Variants in CLPB observed in about 807,000 individuals in gnomAD.
CLPB encodes the protein ClpB family mitochondrial disaggregase, also known as mitochondrial disaggregase.
In CLPB, 40 loss-of-function variants were observed where a neutral mutation model predicts 78.4. That is an observed-to-expected ratio of 0.51 (90% CI 0.40 to 0.66). The LOEUF (loss-of-function observed/expected upper bound fraction) is 0.66. Ranked by LOEUF, CLPB falls within the 30% of genes least tolerant of loss-of-function variation. The probability of loss-of-function intolerance (pLI) is 0.00; values close to 1 mark genes in which losing one functional copy is unlikely to be tolerated. For missense variants in CLPB, 780 were observed against 886.9 expected (o/e 0.88, Z 1.53); for synonymous variants, 333 against 348.0 (o/e 0.96, Z 0.48).
chr11:72,405,528 G>C (rs1165513774), intron 2 of CLPB, among the ~76,000 whole-genome samples: 1 of 152,178 alleles, frequency 6.6e-6, no homozygotes, highest in African/African-American at 2.4e-5. Flanking sequence ...CTAAAGGTTT[G>C]ACAGATTCCT....
intron 4 of CLPB, among the ~76,000 whole-genome samples, chr11:72,364,723 G>A (rs1950909121): frequency 6.6e-6 from 1 of 151,838 alleles, no homozygotes; most frequent in South Asian, 2.1e-4. Context: ...CCACATAGAG[G>A]ACCCTGGTGA....
chr11:72,364,567 CT>C (rs1363001684), intron 4 of CLPB, among the ~76,000 whole-genome samples: 1 of 151,840 alleles, frequency 6.6e-6, no homozygotes, highest in Non-Finnish European at 1.5e-5. Context: ...CCTATGTTGC[CT>C]AGGCTGGTCT....
rs961384511 is a variant in CLPB, at chr11:72,286,664, G to A, written c.*6703C>T. ...CTAATTTTTGTACTTTAATAAAGAG[G>A]GGTTTCACCATGTTGTCCAGGCTGG... On this transcript the variant is annotated 3_prime_UTR_variant, in exon 16 of 16. Coordinates refer to ENST00000538039, the MANE Select transcript of CLPB (RefSeq NM_001258392.3). 1 of 152,102 alleles carries A rather than the reference G, an allele frequency of 6.6e-6. No homozygotes were observed. The highest frequency in any genetic ancestry group is 2.4e-5 in the African/African-American group (1 of 41,400). 9.4% of individuals were successfully genotyped at this position (152,102 alleles called of 1,614,324 possible).
chr11:72,295,098 C>G (rs1056697147), intron 12 of CLPB, among the ~76,000 whole-genome samples: 2 of 152,184 alleles, frequency 1.3e-5, no homozygotes, highest in Admixed American at 6.5e-5. Context: ...GGAAGCTGCC[C>G]TGGGTGAACA....
rs1949410797 is a variant in CLPB at position 72,288,054 on chromosome 11, C to CTTG, written c.*5310_*5312dup. The CTTG allele has an allele frequency of 6.6e-6, 1 of 151,736 alleles. No homozygotes were observed. Among genetic ancestry groups the CTTG allele is most frequent in the Non-Finnish European group, 1.5e-5 (1 of 67,910 alleles). The allele number at this position is 151,736 out of a possible 1,614,324, so 9.4% of individuals were successfully genotyped here. A position where few individuals can be genotyped will look rare whatever the true frequency, so the allele number is the denominator to read the frequency against. On this transcript the variant is annotated 3_prime_UTR_variant, in exon 16 of 16. Transcript: ENST00000538039. ...GTGTGTTTCTTTCCTAAATTTCTTT[C>CTTG]TTGTTTTTCTTCTTTCACTATATTG...
intron 2 of CLPB, among the ~76,000 whole-genome samples, chr11:72,405,439 A>C (rs986530605): frequency 7.9e-5 from 12 of 152,214 alleles, no homozygotes; most frequent in South Asian, 2.1e-4. Flanking sequence ...CACTCTCAAA[A>C]ACATTTTTTT....
chr11:72,339,408 T>A lies in CLPB; in HGVS notation c.776-9604A>T, dbSNP rs554161943. Among the ~76,000 whole-genome samples, 3 of 152,350 alleles carry A rather than the reference T, an allele frequency of 2.0e-5. No homozygotes were observed. In the South Asian group the frequency reaches 6.2e-4, roughly 32 times the overall value. ...AAATTGGGATTAGATTCATTCTACA[T>A]GAATCCAAGGGTAATATTAAAACCC... On this transcript the variant is annotated intron_variant, in intron 5 of 15. Transcript: ENST00000538039.
At chr11:72,337,194 T>C in intron 5 of CLPB, 1 of 398,608 alleles carries the variant, frequency 2.5e-6, no homozygotes, top group Non-Finnish European at 4.4e-6. Context: ...GGAATAGAGC[T>C]CTGGTCTTCT....
chr11:72,345,224 T>A (rs1369154769), intron 5 of CLPB, among the ~76,000 whole-genome samples: 1 of 152,186 alleles, frequency 6.6e-6, no homozygotes, highest in Non-Finnish European at 1.5e-5. Context: ...AAAATATATA[T>A]GCATAAGGTT....
Position 72,352,040 on chromosome 11 carries a change from A to G in CLPB, c.775+6840T>C, listed in dbSNP as rs551985588. Among the ~76,000 whole-genome samples, 90 of 152,290 alleles carry G rather than the reference A, an allele frequency of 5.9e-4. 1 individual carries two copies. The South Asian group carries it at 0.018, about 30-fold the overall frequency. ...GATCCCCTCACGGCCTCTCCCAGTC[A>G]CTACCCACACTCTCGAGGTTAAGCA... On this transcript the variant is annotated intron_variant, in intron 5 of 15. Coordinates refer to ENST00000538039, the MANE Select transcript of CLPB (RefSeq NM_001258392.3).
At chr11:72,311,472 A>G (rs1276313282) in intron 7 of CLPB, among the ~76,000 whole-genome samples, 1 of 152,194 alleles carries the variant, frequency 6.6e-6, no homozygotes, top group Non-Finnish European at 1.5e-5. Flanking sequence ...TAGGTGAGGA[A>G]ACATGCACGC....
Position 72,381,697 on chromosome 11 carries a change from G to A in CLPB, c.543-1313C>T, listed in dbSNP as rs1454151363. Among the ~76,000 whole-genome samples the A allele has an allele frequency of 2.6e-5, 4 of 151,962 alleles. No homozygotes were observed. The East Asian group carries it at 7.8e-4, about 29-fold the overall frequency. On this transcript the variant is annotated intron_variant, in intron 3 of 15. Transcript: ENST00000538039. ...TATCAGGCCTACACCAGCAGACCCAGCCTCCAGGTCCACCCCAGGCTCCAG... is the reference window on the plus strand; with the variant it reads ...TATCAGGCCTACACCAGCAGACCCAACCTCCAGGTCCACCCCAGGCTCCAG...
intron 6 of CLPB, 25 bp from the exon 7 acceptor site, chr11:72,317,245 T>G (rs1949962575): frequency 6.4e-7 from 1 of 1,564,274 alleles, no homozygotes; most frequent in East Asian, 2.3e-5. Context: ...GGCAAATGGT[T>G]GAGGGCTGCC....
intron 6 of CLPB, among the ~76,000 whole-genome samples, chr11:72,321,229 T>C (rs1405022562): frequency 6.6e-6 from 1 of 151,904 alleles, no homozygotes; most frequent in Non-Finnish European, 1.5e-5. Context: ...CTGATAGGGA[T>C]CCACTAGAGA....
At chr11:72,398,801 A>G (rs1471287677) in intron 3 of CLPB, among the ~76,000 whole-genome samples, 1 of 152,230 alleles carries the variant, frequency 6.6e-6, no homozygotes, top group Admixed American at 6.5e-5. Flanking sequence ...CCTTGAGTCA[A>G]TACTATACCC....
At chr11:72,372,088 C>T (rs114324712) in intron 4 of CLPB, among the ~76,000 whole-genome samples, 55 of 152,176 alleles carry the variant, frequency 3.6e-4, no homozygotes, top group African/African-American at 1.3e-3. Context: ...TCTACAGATG[C>T]GAAAATCAAG....
chr11:72,297,972 G>A (rs1321962920), intron 11 of CLPB, among the ~76,000 whole-genome samples: 2 of 152,060 alleles, frequency 1.3e-5, no homozygotes, highest in African/African-American at 4.8e-5. Context: ...ATAAAGATGT[G>A]TCTCAAACAG....
chr11:72,366,300 C>T (rs1171270515), intron 4 of CLPB, among the ~76,000 whole-genome samples: 6 of 152,140 alleles, frequency 3.9e-5, no homozygotes, highest in South Asian at 2.1e-4. Flanking sequence ...CTGCAACTTC[C>T]GCCTCCCAGG....
intron 2 of CLPB, among the ~76,000 whole-genome samples, chr11:72,410,502 T>C (rs1047434283): frequency 6.6e-6 from 1 of 152,214 alleles, no homozygotes; most frequent in African/African-American, 2.4e-5. Context: ...CAAAATAGCA[T>C]AAGAAGAGCT....
Sources: gnomAD v4.1 joint callset for allele counts (sites outside exome capture counted in the v4.1 genomes callset) on GRCh38, gnomAD v4.1.1 for gene constraint, MANE v1.5 for transcripts, NCBI Gene and HGNC (gene_info 2026-07-23, HGNC 2026-07-21) for gene names.